Variants in WDR25 observed in about 807,000 individuals in gnomAD.
WDR25 encodes the protein WD repeat domain 25, also known as WD repeat-containing protein 25.
A neutral mutation model predicts 47.7 loss-of-function variants in WDR25; 35 were observed. The ratio of observed to expected loss-of-function variants is 0.73; its 90% CI spans 0.56 to 0.97. WDR25 has a LOEUF of 0.97. Among genes scored for constraint, WDR25 ranks in the 50% least tolerant of loss-of-function variants. WDR25 has a pLI of 0.00. For missense variants in WDR25, 634 were observed against 704.7 expected (o/e 0.90, Z 1.14); for synonymous variants, 248 against 278.9 (o/e 0.89, Z 1.10).
At chr14:100,458,382 A>C (rs1899272185) in intron 2 of WDR25, among the ~76,000 whole-genome samples, 1 of 152,284 alleles carries the variant, frequency 6.6e-6, no homozygotes, top group African/African-American at 2.4e-5. Context: ...TATTTATATA[A>C]ATAATAAGCG....
At chr14:100,423,974 G>A (rs1235743003) in intron 2 of WDR25, among the ~76,000 whole-genome samples, 1 of 152,228 alleles carries the variant, frequency 6.6e-6, no homozygotes, top group Admixed American at 6.5e-5. Context: ...AGTCTCAGGT[G>A]GCACAGCTGC....
At chr14:100,409,941 A>AT (rs940624056) in intron 2 of WDR25, among the ~76,000 whole-genome samples, 11 of 152,058 alleles carry the variant, frequency 7.2e-5, no homozygotes, top group African/African-American at 2.7e-4. Context: ...GGCCCAATAC[A>AT]TTTTTTCCCT....
Position 100,380,961 on chromosome 14 carries a change from G to T in WDR25, c.37G>T (p.Val13Leu). 6.2e-7 allele frequency: 1 copy of T among 1,614,180 alleles called. No homozygotes were observed. Among genetic ancestry groups the T allele is most frequent in the Non-Finnish European group, 8.5e-7 (1 of 1,180,008 alleles). The change falls in exon 2 of 7, where the codon GTA becomes TTA. Residue 13 changes from valine to leucine, a missense_variant. Coordinates refer to ENST00000402312, the MANE Select transcript of WDR25 (RefSeq NM_001161476.3). Reference protein sequence around the residue: ...ARTLSLMASLVAYDDSDSEAE... With the variant: ...ARTLSLMASLLAYDDSDSEAE... ...AACTCTGTCTTTAATGGCTTCATTG[G>T]TAGCGTATGATGATTCGGACTCGGA...
Position 100,417,779 on chromosome 14 carries a change from C to G in WDR25, c.822+36033C>G, listed in dbSNP as rs550334176. Among the ~76,000 whole-genome samples the G allele has an allele frequency of 5.1e-4, 77 of 152,298 alleles. 1 individual carries two copies. The highest frequency in any genetic ancestry group is 1.8e-3 in the African/African-American group (75 of 41,558). On this transcript the variant is annotated intron_variant, in intron 2 of 6. Coordinates refer to ENST00000402312, the MANE Select transcript of WDR25 (RefSeq NM_001161476.3). ...GGCTGACATCGCATTTTCTGCCTGA[C>G]TTCTTCCTGGCTGCAGTGACCCTGA...
chr14:100,381,871 T>G (rs752849370), intron 2 of WDR25, 125 bp downstream of exon 2: 1 of 815,252 alleles, frequency 1.2e-6, no homozygotes, highest in South Asian at 1.8e-5. Context: ...TAATTCCCTT[T>G]GTTGCATTCC....
intron 2 of WDR25, among the ~76,000 whole-genome samples, chr14:100,415,244 C>T (rs1233133042): frequency 6.6e-6 from 1 of 152,198 alleles, no homozygotes; most frequent in African/African-American, 2.4e-5. Context: ...CTGAGGCTCA[C>T]TTCTATTCTG....
chr14:100,478,432 G>A (rs936248588), intron 3 of WDR25, among the ~76,000 whole-genome samples: 16 of 152,200 alleles, frequency 1.1e-4, no homozygotes, highest in African/African-American at 3.9e-4. Context: ...CCAACATTGT[G>A]CCAGATAATG....
intron 4 of WDR25, among the ~76,000 whole-genome samples, chr14:100,509,682 A>G (rs558787247): frequency 5.3e-5 from 8 of 152,354 alleles, no homozygotes; most frequent in Middle Eastern, 3.4e-3. Context: ...CAAGATAAAT[A>G]ATGCATCCAT....
At chr14:100,420,910 C>G (rs1189628455) in intron 2 of WDR25, among the ~76,000 whole-genome samples, 1 of 152,216 alleles carries the variant, frequency 6.6e-6, no homozygotes, top group African/African-American at 2.4e-5. Context: ...TCCCACTGTC[C>G]TGGATGTTGC....
At chr14:100,432,308 G>T (rs1337898798) in intron 2 of WDR25, among the ~76,000 whole-genome samples, 1 of 152,178 alleles carries the variant, frequency 6.6e-6, no homozygotes, top group Non-Finnish European at 1.5e-5. Context: ...AAGTCAATGG[G>T]TATTATCCCA....
chr14:100,397,237 G>A (rs1897279700), intron 2 of WDR25, among the ~76,000 whole-genome samples: 1 of 152,146 alleles, frequency 6.6e-6, no homozygotes, highest in Non-Finnish European at 1.5e-5. Flanking sequence ...TCAGCTTCTC[G>A]GTCGGAAGAG....
chr14:100,446,795 T>G (rs2140256188), intron 2 of WDR25, among the ~76,000 whole-genome samples: 1 of 152,248 alleles, frequency 6.6e-6, no homozygotes, highest in Non-Finnish European at 1.5e-5. Context: ...CGCTGGTCAC[T>G]CCTGGCTCTG....
At chr14:100,436,375 G>C (rs1272223018) in intron 2 of WDR25, among the ~76,000 whole-genome samples, 2 of 152,158 alleles carry the variant, frequency 1.3e-5, no homozygotes, top group African/African-American at 4.8e-5. Flanking sequence ...AAGGAGTTCA[G>C]TTTGCTTTAA....
intron 3 of WDR25, among the ~76,000 whole-genome samples, chr14:100,479,253 G>A (rs1045610879): frequency 1.1e-4 from 17 of 152,156 alleles, no homozygotes; most frequent in African/African-American, 3.9e-4. Context: ...TGGAGACCAA[G>A]GGGACAGCCC....
chr14:100,394,115 T>A (rs1020386975), intron 2 of WDR25, among the ~76,000 whole-genome samples: 3 of 152,232 alleles, frequency 2.0e-5, no homozygotes, highest in Non-Finnish European at 4.4e-5. Context: ...CGGGGTTTAT[T>A]CTGTGATTGC....
rs1223668829 is a variant in WDR25 at position 100,502,613 on chromosome 14, A to T, written c.1101+18489A>T. ...GGGTCCTATAGACACTTGCTGAATT[A>T]ACCACTGCATGGCCAAGTGGCCACG... On this transcript the variant is annotated intron_variant, in intron 4 of 6. Transcript: ENST00000402312. This position sits in a 1 kb window ranked among gnomAD's most constrained non-coding sequence, Gnocchi z 4.5. Among the ~76,000 whole-genome samples the T allele has an allele frequency of 3.9e-5, 6 of 152,194 alleles. No homozygotes were observed.
At chr14:100,471,434 A>C (rs1899829589) in intron 3 of WDR25, among the ~76,000 whole-genome samples, 1 of 152,156 alleles carries the variant, frequency 6.6e-6, no homozygotes. Flanking sequence ...GCTTTTGGTA[A>C]GTGCTCTCTT....
At chr14:100,435,702 G>A (rs959442048) in intron 2 of WDR25, among the ~76,000 whole-genome samples, 2 of 152,100 alleles carry the variant, frequency 1.3e-5, no homozygotes, top group East Asian at 1.9e-4. Context: ...ATGGCTGAGC[G>A]GTGAGGTTAA....
At position 100,419,135 on chromosome 14, in the gene WDR25, T is replaced by C. The variant is rs1182581295; in HGVS notation, c.822+37389T>C. 2.0e-5 allele frequency among the ~76,000 whole-genome samples: 3 copies of C among 150,606 alleles called. 1 individual carries two copies. Among genetic ancestry groups the C allele is most frequent in the African/African-American group, 4.9e-5 (2 of 40,588 alleles). On this transcript the variant is annotated intron_variant, in intron 2 of 6. Transcript: ENST00000402312. ...TACTTGGGAGGCTGAGGCAGGACAA[T>C]TGCTTGAACTCTGGAGGCGGAGATT...
Sources: gnomAD v4.1 joint callset for allele counts (sites outside exome capture counted in the v4.1 genomes callset) on GRCh38, gnomAD v4.1.1 for gene constraint, Gnocchi (gnomAD v3.1) non-coding constraint, MANE v1.5 for transcripts, NCBI Gene and HGNC (gene_info 2026-07-23, HGNC 2026-07-21) for gene names.